The following PPP2R5E variants were observed in gnomAD, a reference collection of about 807,000 sequenced individuals.
The protein encoded by PPP2R5E is protein phosphatase 2 regulatory subunit B'epsilon.
Under a neutral mutation model 65.3 loss-of-function variants are expected in PPP2R5E, and 4 were observed. The observed-to-expected ratio is 0.06, with a 90% CI of 0.03 to 0.14. PPP2R5E has a LOEUF of 0.14. Among genes scored for constraint, PPP2R5E ranks in the 10% least tolerant of loss-of-function variants. The pLI, the probability that PPP2R5E is intolerant of heterozygous loss-of-function variation, is 1.00. For synonymous variants in PPP2R5E, 183 were observed against 187.4 expected (o/e 0.98, Z 0.19); for missense variants, 274 against 556.1 (o/e 0.49, Z 5.10).
Position 63,539,631 on chromosome 14 carries a change from G to A in PPP2R5E, c.55C>T (p.Arg19Trp), listed in dbSNP as rs111360318. Residue 19 changes from arginine to tryptophan, a missense_variant, in exon 2 of 14, where the codon CGG (arginine) becomes TGG (tryptophan). Physicochemically the swap from Arg to Trp is moderately radical, Grantham distance 101. Around this residue, in one of 6 missense-constraint regions of PPP2R5E, gnomAD observed 58 missense variants for 64.8 expected, o/e 0.90. Coordinates refer to ENST00000337537, the MANE Select transcript of PPP2R5E (RefSeq NM_006246.5). ...PSVDKVDGFS[R>W]KSVRKARQKR... ...TGTCTGGCTTTTCTGACGGACTTCC[G>A]AGAAAATCCGTCTACTTTATCCACT... 3 of 1,613,988 alleles carry A rather than the reference G, an allele frequency of 1.9e-6. No individual in the cohort carries two copies. The highest frequency in any genetic ancestry group is 2.5e-6 in the Non-Finnish European group (3 of 1,179,914).
chr14:63,463,692 G>GT (rs1889622987), intron 2 of PPP2R5E, among the ~76,000 whole-genome samples: 1 of 151,600 alleles, frequency 6.6e-6, no homozygotes, highest in East Asian at 1.9e-4. Context: ...CGCCTCCCGG[G>GT]TTCATGCCAT....
intron 11 of PPP2R5E, among the ~76,000 whole-genome samples, chr14:63,388,552 C>G (rs1884819546): frequency 6.6e-6 from 1 of 152,084 alleles, no homozygotes; most frequent in South Asian, 2.1e-4. Flanking sequence ...CACTAAAGGC[C>G]CTGAGTGGTA....
chr14:63,518,751 A>G lies in PPP2R5E; in HGVS notation c.157+20778T>C, dbSNP rs978278358. The stretch of plus-strand genomic sequence containing the variant: ...TTAAAATTCCAACTCCAACAATAAG[A>G]CTACCTCAAAGTAATCTTCCATCAT... On this transcript the variant is annotated intron_variant, in intron 2 of 13. Coordinates refer to ENST00000337537, the MANE Select transcript of PPP2R5E (RefSeq NM_006246.5). Among the ~76,000 whole-genome samples the G allele has an allele frequency of 3.3e-5, 5 of 152,298 alleles. No individual in the cohort carries two copies. The South Asian group carries it at 1.0e-3, about 32-fold the overall frequency.
intron 2 of PPP2R5E, among the ~76,000 whole-genome samples, chr14:63,494,765 C>T (rs370903362): frequency 2.0e-5 from 3 of 151,884 alleles, no homozygotes. Flanking sequence ...CATGGTGGTG[C>T]GTGCCTGTAG....
intron 2 of PPP2R5E, among the ~76,000 whole-genome samples, chr14:63,524,636 C>G (rs1315439610): frequency 6.6e-6 from 1 of 152,190 alleles, no homozygotes; most frequent in Non-Finnish European, 1.5e-5. Flanking sequence ...CTGAACTGTT[C>G]CTTACTATTC....
At chr14:63,474,673 CAAAAAAAAAAA>C (rs1157357885) in intron 2 of PPP2R5E, among the ~76,000 whole-genome samples, 11 of 27,726 alleles carry the variant, frequency 4.0e-4, no homozygotes, top group South Asian at 2.1e-3. Context: ...TACCCCATCT[CAAAAAAAAAAA>C]AAAAAAAAAA....
intron 11 of PPP2R5E, among the ~76,000 whole-genome samples, chr14:63,389,182 A>G (rs1872569722): frequency 6.6e-6 from 1 of 150,772 alleles, no homozygotes; most frequent in Non-Finnish European, 1.5e-5. Flanking sequence ...TGGGACATTT[A>G]TAAATAATGT....
chr14:63,406,287 T>G (rs1658457855), intron 5 of PPP2R5E, among the ~76,000 whole-genome samples: 1 of 151,796 alleles, frequency 6.6e-6, no homozygotes, highest in Non-Finnish European at 1.5e-5. Context: ...GGTGCATGCT[T>G]GTAGTCCCAC....
intron 5 of PPP2R5E, among the ~76,000 whole-genome samples, chr14:63,411,735 C>T (rs1473939797): frequency 6.7e-6 from 1 of 150,144 alleles, no homozygotes; most frequent in African/African-American, 2.4e-5. Context: ...ACGTGACACA[C>T]ATGCTCCCCT....
At chr14:63,527,020 T>C (rs1893211844) in intron 2 of PPP2R5E, among the ~76,000 whole-genome samples, 1 of 152,166 alleles carries the variant, frequency 6.6e-6, no homozygotes, top group Non-Finnish European at 1.5e-5. Context: ...AAATACAAAA[T>C]TAGTCAGTTG....
intron 2 of PPP2R5E, among the ~76,000 whole-genome samples, chr14:63,455,647 C>T (rs757732937): frequency 6.6e-6 from 1 of 151,994 alleles, no homozygotes; most frequent in Non-Finnish European, 1.5e-5. Context: ...CTGCTTTGGG[C>T]GTTTAAAATA....
At chr14:63,539,475 T>C in intron 2 of PPP2R5E, 54 bp downstream of exon 2, 3 of 1,546,444 alleles carry the variant, frequency 1.9e-6, no homozygotes, top group Non-Finnish European at 2.6e-6. Context: ...AAATTATATA[T>C]AGATGTAGAA....
intron 3 of PPP2R5E, among the ~76,000 whole-genome samples, chr14:63,427,492 G>A (rs1887403061): frequency 6.6e-6 from 1 of 152,098 alleles, no homozygotes. Context: ...CGGATGTTAG[G>A]ATCAAACTAA....
intron 5 of PPP2R5E, among the ~76,000 whole-genome samples, chr14:63,403,770 C>T (rs375183180): frequency 9.9e-5 from 15 of 151,372 alleles, no homozygotes; most frequent in African/African-American, 3.4e-4. Flanking sequence ...AAAAATAAGG[C>T]ACCTATTTTC....
chr14:63,516,576 G>A (rs1892679765), intron 2 of PPP2R5E, among the ~76,000 whole-genome samples: 1 of 152,200 alleles, frequency 6.6e-6, no homozygotes, highest in Admixed American at 6.5e-5. Flanking sequence ...CTGAATGAAA[G>A]GTGTTAGGTT....
At chr14:63,421,196 A>G (rs974447417) in intron 4 of PPP2R5E, among the ~76,000 whole-genome samples, 2 of 149,358 alleles carry the variant, frequency 1.3e-5, no homozygotes, top group African/African-American at 2.5e-5. Context: ...CCCCCTTGCT[A>G]TTTGTCGAGC....
chr14:63,517,135 ATTGT>A (rs1407838890), intron 2 of PPP2R5E, among the ~76,000 whole-genome samples: 1 of 152,164 alleles, frequency 6.6e-6, no homozygotes, highest in Non-Finnish European at 1.5e-5. Context: ...ATGAGTATCA[ATTGT>A]TAACTATGAC....
chr14:63,376,146 T>C, intron 13 of PPP2R5E, 38 bp from the exon 14 acceptor site: 1 of 1,356,696 alleles, frequency 7.4e-7, no homozygotes, highest in Admixed American at 1.7e-5. Context: ...ACAGCTGAGG[T>C]TTAATGAGAT....
At chr14:63,517,766 T>C (rs1041616348) in intron 2 of PPP2R5E, among the ~76,000 whole-genome samples, 1 of 152,244 alleles carries the variant, frequency 6.6e-6, no homozygotes, top group Non-Finnish European at 1.5e-5. Flanking sequence ...ATACTTTCAA[T>C]TATTTATTTT....
Sources: allele counts gnomAD v4.1 joint callset (sites outside exome capture counted in the v4.1 genomes callset), GRCh38; gene constraint gnomAD v4.1.1; regional missense constraint gnomAD v4.1.1; transcripts MANE v1.5; gene names NCBI Gene and HGNC (gene_info 2026-07-23, HGNC 2026-07-21).